CDK14: variants seen among roughly 807,000 people sequenced by gnomAD.
CDK14 encodes cyclin-dependent kinase 14.
CDK14 carries 34 observed loss-of-function variants against 60.7 expected under a neutral mutation model. The ratio of observed to expected loss-of-function variants is 0.56; its 90% CI spans 0.43 to 0.75. CDK14 has a LOEUF of 0.75. Among genes scored for constraint, CDK14 ranks in the 30% least tolerant of loss-of-function variants. The pLI, the probability that CDK14 is intolerant of heterozygous loss-of-function variation, is 0.00. For synonymous variants in CDK14, 197 were observed against 203.7 expected (o/e 0.97, Z 0.28); for missense variants, 482 against 564.1 (o/e 0.85, Z 1.47).
At chr7:90,815,904 CTG>C (rs1187605131) in intron 5 of CDK14, among the ~76,000 whole-genome samples, 2 of 150,060 alleles carry the variant, frequency 1.3e-5, no homozygotes, top group African/African-American at 4.9e-5. Flanking sequence ...ACTTCACACA[CTG>C]GGGCCTTTCC....
At chr7:90,782,784 G>T (rs747391242) in intron 4 of CDK14, among the ~76,000 whole-genome samples, 10 of 152,142 alleles carry the variant, frequency 6.6e-5, no homozygotes, top group African/African-American at 9.7e-5. Context: ...GAATCAGAGA[G>T]TAAAACTCAC....
chr7:90,852,649 G>A (rs74554946), intron 5 of CDK14, among the ~76,000 whole-genome samples: 3,535 of 152,276 alleles, frequency 0.023, 128 homozygotes, highest in African/African-American at 0.08. Context: ...CATTGGCCAA[G>A]CACGGTTATT....
chr7:90,992,769 C>T (rs1157639816), intron 10 of CDK14, among the ~76,000 whole-genome samples: 1 of 152,160 alleles, frequency 6.6e-6, no homozygotes, highest in Non-Finnish European at 1.5e-5. Flanking sequence ...AAGGAACATT[C>T]TCCCATGTAT....
intron 14 of CDK14, among the ~76,000 whole-genome samples, chr7:91,176,606 A>AC (rs2115843815): frequency 6.6e-6 from 1 of 152,316 alleles, no homozygotes; most frequent in Admixed American, 6.5e-5. Flanking sequence ...AATAGACACA[A>AC]TAAAAAATGA....
chr7:90,635,899 G>T (rs1285015838), intron 2 of CDK14, among the ~76,000 whole-genome samples: 1 of 151,894 alleles, frequency 6.6e-6, no homozygotes, highest in Non-Finnish European at 1.5e-5. Context: ...TGAAGCAATT[G>T]TGAATGGGAG....
chr7:90,831,411 C>A (rs780321800), intron 5 of CDK14, among the ~76,000 whole-genome samples: 1 of 152,072 alleles, frequency 6.6e-6, no homozygotes, highest in African/African-American at 2.4e-5. Flanking sequence ...GGAACCTCCC[C>A]GATGATCCAA....
chr7:91,097,949 T>C lies in CDK14; in HGVS notation c.1155-14593T>C, dbSNP rs146210708. Among the ~76,000 whole-genome samples, 473 of 152,288 alleles carry C rather than the reference T, an allele frequency of 3.1e-3. 3 individuals are homozygous for C. Among genetic ancestry groups the C allele is most frequent in the African/African-American group, 0.011 (444 of 41,564 alleles). ...AGAGATGAGATCATTCACCAGGTAG[T>C]TGGTTCAGTGTGCAGTTGGGAAGAC... On this transcript the variant is annotated intron_variant, in intron 12 of 14. Coordinates refer to ENST00000380050, the MANE Select transcript of CDK14 (RefSeq NM_001287135.2).
chr7:90,881,543 C>G (rs1307503511), intron 6 of CDK14, among the ~76,000 whole-genome samples: 1 of 152,100 alleles, frequency 6.6e-6, no homozygotes, highest in African/African-American at 2.4e-5. Flanking sequence ...ACTTCCCCAA[C>G]CTAGCAAGAC....
chr7:90,696,077 C>G (rs144130204), intron 2 of CDK14, among the ~76,000 whole-genome samples: 1 of 152,208 alleles, frequency 6.6e-6, no homozygotes, highest in African/African-American at 2.4e-5. Context: ...TGTTGGTCGC[C>G]TGTATTAGGA....
intron 2 of CDK14, among the ~76,000 whole-genome samples, chr7:90,654,228 A>G (rs573873597): frequency 5.9e-5 from 9 of 152,124 alleles, no homozygotes; most frequent in Non-Finnish European, 8.8e-5. Context: ...CATGGTCCCT[A>G]CCCTGAGGAA....
chr7:91,050,717 G>T (rs1797367167), intron 11 of CDK14, among the ~76,000 whole-genome samples: 1 of 152,200 alleles, frequency 6.6e-6, no homozygotes, highest in Non-Finnish European at 1.5e-5. Flanking sequence ...AAGAGATTCA[G>T]TTGGCTCCAG....
chr7:90,869,865 G>T (rs1791308590), intron 6 of CDK14, among the ~76,000 whole-genome samples: 1 of 152,200 alleles, frequency 6.6e-6, no homozygotes, highest in African/African-American at 2.4e-5. Flanking sequence ...GCTGGACATT[G>T]TCTCTTGCTT....
At chr7:90,787,634 A>T (rs1307600226) in intron 4 of CDK14, among the ~76,000 whole-genome samples, 3 of 152,230 alleles carry the variant, frequency 2.0e-5, no homozygotes, top group African/African-American at 7.2e-5. Context: ...CTGAGCACAT[A>T]TCAGTTGATA....
chr7:90,997,924 T>C (rs1258299100), intron 10 of CDK14, among the ~76,000 whole-genome samples: 2 of 152,192 alleles, frequency 1.3e-5, no homozygotes, highest in Non-Finnish European at 2.9e-5. Flanking sequence ...TTGAATGTTC[T>C]TTCTACTGCT....
At chr7:91,161,254 A>G (rs190563372) in intron 14 of CDK14, among the ~76,000 whole-genome samples, 1 of 152,300 alleles carries the variant, frequency 6.6e-6, no homozygotes, top group Admixed American at 6.5e-5. Context: ...GGAGCCTCCC[A>G]AGGCGCAGAA....
At position 90,817,350 on chromosome 7, in the gene CDK14, G is replaced by A. The variant is rs17163252; in HGVS notation, c.544+26698G>A. Among the ~76,000 whole-genome samples the A allele has an allele frequency of 2.4e-3, 372 of 152,204 alleles. 14 individuals are homozygous for A. In the East Asian group the frequency reaches 0.061, roughly 25 times the overall value. ...GATAATCGTACTTTTAAAAACCCTAGCAACCTGAACAGGACCCAAGAAATA... is the reference window on the plus strand; with the variant it reads ...GATAATCGTACTTTTAAAAACCCTAACAACCTGAACAGGACCCAAGAAATA... On this transcript the variant is annotated intron_variant, in intron 5 of 14. Transcript: ENST00000380050.
chr7:90,885,976 A>G (rs955639592), intron 6 of CDK14, among the ~76,000 whole-genome samples: 1 of 152,188 alleles, frequency 6.6e-6, no homozygotes, highest in Non-Finnish European at 1.5e-5. Context: ...AATGGCATAC[A>G]TATACCTATG....
At chr7:90,698,826 G>A (rs1008579946) in intron 2 of CDK14, among the ~76,000 whole-genome samples, 2 of 152,056 alleles carry the variant, frequency 1.3e-5, no homozygotes, top group Non-Finnish European at 2.9e-5. Context: ...AATCTGTTTG[G>A]TAAACCTTAT....
intron 4 of CDK14, among the ~76,000 whole-genome samples, chr7:90,762,410 C>CCT (rs1804353884): frequency 6.6e-6 from 1 of 152,030 alleles, no homozygotes. Flanking sequence ...GGGATAGGGT[C>CCT]CTCTCCTTTC....
Sources: allele counts gnomAD v4.1 joint callset (sites outside exome capture counted in the v4.1 genomes callset), GRCh38; gene constraint gnomAD v4.1.1; transcripts MANE v1.5; gene names NCBI Gene and HGNC (gene_info 2026-07-23, HGNC 2026-07-21).